The following MTUS2 variants were observed in gnomAD, a reference collection of about 807,000 sequenced individuals.
MTUS2 encodes microtubule-associated tumor suppressor candidate 2.
MTUS2 carries 40 observed loss-of-function variants against 114.1 expected under a neutral mutation model. The observed-to-expected ratio is 0.35, with a 90% CI of 0.27 to 0.46. The LOEUF (loss-of-function observed/expected upper bound fraction) is 0.46. Ranked by LOEUF, MTUS2 falls within the 20% of genes least tolerant of loss-of-function variation. MTUS2 has a pLI of 1.00. For missense variants in MTUS2, 1,679 were observed against 1,705.4 expected (o/e 0.98, Z 0.27); for synonymous variants, 688 against 672.0 (o/e 1.02, Z -0.37).
chr13:28,888,298 CTG>C (rs1878707264), intron 2 of MTUS2, among the ~76,000 whole-genome samples: 1 of 151,972 alleles, frequency 6.6e-6, no homozygotes. Flanking sequence ...TATTGAAACA[CTG>C]GTAAAAATGT....
At chr13:28,839,406 C>T (rs1384815314) in intron 1 of MTUS2, among the ~76,000 whole-genome samples, 2 of 152,062 alleles carry the variant, frequency 1.3e-5, no homozygotes, top group Admixed American at 6.5e-5. Flanking sequence ...AGGTATTCTT[C>T]CCCTGACAAA....
chr13:28,939,487 C>T (rs1882104246), intron 2 of MTUS2, among the ~76,000 whole-genome samples: 1 of 152,012 alleles, frequency 6.6e-6, no homozygotes, highest in Non-Finnish European at 1.5e-5. Context: ...GTATTTAGGC[C>T]TAAGGAAAGT....
At position 29,501,203 on chromosome 13, in the gene MTUS2, G is replaced by A. The variant is rs368863294; in HGVS notation, c.3896+9G>A. 54 of 1,607,562 alleles carry A rather than the reference G, an allele frequency of 3.4e-5. No individual in the cohort carries two copies. In the Admixed American group the frequency reaches 7.2e-4, roughly 21 times the overall value. On this transcript the variant is annotated intron_variant, in intron 15 of 15. Coordinates refer to ENST00000612955, the MANE Select transcript of MTUS2 (RefSeq NM_001033602.4). ...AACACAGTTGTCACCAGGTAGGTGGGCTGGGTGTCACCTACAAAGTGACTT... is the reference window on the plus strand; with the variant it reads ...AACACAGTTGTCACCAGGTAGGTGGACTGGGTGTCACCTACAAAGTGACTT...
intron 8 of MTUS2, among the ~76,000 whole-genome samples, chr13:29,360,761 T>C (rs370505609): frequency 4.2e-4 from 57 of 134,302 alleles, no homozygotes; most frequent in Admixed American, 2.1e-3. Context: ...CTGGCCATGG[T>C]CAAGATGAGC....
In MTUS2 at chr13:29,025,881, A is replaced by G; in HGVS notation, c.1183A>G (p.Thr395Ala). 1.2e-6 allele frequency: 2 copies of G among 1,612,920 alleles called. No individual in the cohort carries two copies. The highest frequency in any genetic ancestry group is 1.7e-6 in the Non-Finnish European group (2 of 1,179,460). Residue 395 changes from threonine to alanine, a missense_variant, in exon 3 of 16, where the codon ACC (threonine) becomes GCC (alanine). By Grantham distance (58) the Thr-to-Ala change is moderately conservative. This residue lies in a region of MTUS2 where 843 missense variants were observed against 770.8 expected (regional missense o/e 1.09). Transcript: ENST00000612955. The stretch of plus-strand genomic sequence containing the variant: ...AGGGGAGCAGGATTCTCTCCACACC[A>G]CCCCCAAACAGGGCTCTGCTTCCTT... ...NPGEQDSLHTTPKQGSASLGG... is the reference protein window; with the variant it reads ...NPGEQDSLHTAPKQGSASLGG...
chr13:29,172,539 G>T (rs1177743716), intron 5 of MTUS2, among the ~76,000 whole-genome samples: 1 of 152,146 alleles, frequency 6.6e-6, no homozygotes, highest in African/African-American at 2.4e-5. Context: ...GCAATATCCA[G>T]TTCAATGTCT....
chr13:29,098,486 A>ACACG (rs1890274393), intron 4 of MTUS2, among the ~76,000 whole-genome samples: 1 of 151,862 alleles, frequency 6.6e-6, no homozygotes, highest in South Asian at 2.1e-4. Context: ...GCATGCACAC[A>ACACG]CACACAAACA....
intron 2 of MTUS2, among the ~76,000 whole-genome samples, chr13:28,982,427 AATG>A (rs1240272694): frequency 6.6e-6 from 1 of 152,152 alleles, no homozygotes; most frequent in Admixed American, 6.5e-5. Flanking sequence ...AGGAATGTAA[AATG>A]CTGCTGCTGC....
At chr13:29,085,942 T>C (rs938463723) in intron 4 of MTUS2, among the ~76,000 whole-genome samples, 2 of 152,148 alleles carry the variant, frequency 1.3e-5, no homozygotes, top group Admixed American at 6.6e-5. Flanking sequence ...CTTGCCAAAA[T>C]CTGTTATTTA....
intron 6 of MTUS2, among the ~76,000 whole-genome samples, chr13:29,282,910 T>C (rs1207400242): frequency 6.6e-6 from 1 of 152,238 alleles, no homozygotes; most frequent in Non-Finnish European, 1.5e-5. Flanking sequence ...GCTGTGGATA[T>C]GCCATGATTT....
chr13:29,277,187 G>A (rs1057129413), intron 5 of MTUS2, among the ~76,000 whole-genome samples: 3 of 152,120 alleles, frequency 2.0e-5, no homozygotes, highest in Non-Finnish European at 4.4e-5. Flanking sequence ...CCTCTTTGGA[G>A]ACACTTGTTT....
intron 5 of MTUS2, among the ~76,000 whole-genome samples, chr13:29,230,604 C>G (rs1280076072): frequency 2.0e-5 from 3 of 152,182 alleles, no homozygotes; most frequent in Non-Finnish European, 4.4e-5. Flanking sequence ...TAAGCAACTT[C>G]CTCATAGTCA....
chr13:29,251,292 G>GATAATAATAATAATAATAATA lies in MTUS2; in HGVS notation c.2645-30404_2645-30384dup, dbSNP rs10526021. ...TTCTTACCTGTGAAAATGGGATGAT[G>GATAATAATAATAATAATAATA]ATAATAATAATAATAATAATAATAA... On this transcript the variant is annotated intron_variant, in intron 5 of 15. Coordinates refer to ENST00000612955, the MANE Select transcript of MTUS2 (RefSeq NM_001033602.4). Among the ~76,000 whole-genome samples, 536 of 146,490 alleles carry GATAATAATAATAATAATAATA rather than the reference G, an allele frequency of 3.7e-3. 6 individuals are homozygous for GATAATAATAATAATAATAATA. The highest frequency in any genetic ancestry group is 0.013 in the African/African-American group (521 of 39,848).
intron 2 of MTUS2, among the ~76,000 whole-genome samples, chr13:28,925,103 C>T (rs548791279): frequency 1.6e-4 from 24 of 152,094 alleles, no homozygotes; most frequent in Middle Eastern, 3.4e-3. Flanking sequence ...GCCTTTAGGC[C>T]GTGGAATGGT....
intron 8 of MTUS2, chr13:29,428,783 T>G: frequency 6.2e-7 from 1 of 1,612,156 alleles, no homozygotes; most frequent in Non-Finnish European, 8.5e-7. Flanking sequence ...TACCTCGGCT[T>G]AGGAGTTGCC....
intron 5 of MTUS2, among the ~76,000 whole-genome samples, chr13:29,150,437 T>C (rs1416440703): frequency 6.6e-6 from 1 of 152,226 alleles, no homozygotes; most frequent in East Asian, 1.9e-4. Flanking sequence ...ATTCTGGACA[T>C]TCGACCTTTG....
At chr13:28,821,377 A>G (rs190507779) in intron 1 of MTUS2, among the ~76,000 whole-genome samples, 1 of 152,230 alleles carries the variant, frequency 6.6e-6, no homozygotes, top group African/African-American at 2.4e-5. Context: ...TTCTTTGACT[A>G]CTTATTGATA....
chr13:28,830,414 A>T (rs1566163277), intron 1 of MTUS2, among the ~76,000 whole-genome samples: 1 of 152,192 alleles, frequency 6.6e-6, no homozygotes, highest in Non-Finnish European at 1.5e-5. Flanking sequence ...TAGAAAAATG[A>T]TGTCTCTTCA....
intron 6 of MTUS2, among the ~76,000 whole-genome samples, chr13:29,285,207 A>AC (rs558052416): frequency 0.17 from 25,762 of 149,224 alleles, 2,328 homozygotes; most frequent in African/African-American, 0.22. Context: ...AAAAAAAAAA[A>AC]AACCTCCAAA....
Sources: gnomAD v4.1 joint callset for allele counts (sites outside exome capture counted in the v4.1 genomes callset) on GRCh38, gnomAD v4.1.1 for gene constraint, gnomAD v4.1.1 regional missense constraint, MANE v1.5 for transcripts, NCBI Gene and HGNC (gene_info 2026-07-23, HGNC 2026-07-21) for gene names.